Variants in TRAPPC9 observed in about 807,000 individuals in gnomAD.
The protein encoded by TRAPPC9 is IKK2 binding protein.
TRAPPC9 carries 83 observed loss-of-function variants against 124.0 expected under a neutral mutation model. The observed-to-expected ratio is 0.67, with a 90% CI of 0.56 to 0.80. TRAPPC9 has a LOEUF of 0.80. Ranked by LOEUF, TRAPPC9 falls within the 30% of genes least tolerant of loss-of-function variation. The pLI is 0.00. For synonymous variants in TRAPPC9, 638 were observed against 617.5 expected (o/e 1.03, Z -0.49); for missense variants, 1,302 against 1,508.3 (o/e 0.86, Z 2.27).
chr8:140,112,491 T>C (rs983843098), intron 17 of TRAPPC9, among the ~76,000 whole-genome samples: 4 of 152,078 alleles, frequency 2.6e-5, no homozygotes, highest in African/African-American at 7.2e-5. Flanking sequence ...AGAAGAGTAA[T>C]GGAGAATTCC....
intron 17 of TRAPPC9, chr8:140,099,770 T>G (rs2060539181): frequency 6.7e-6 from 1 of 149,516 alleles, no homozygotes; most frequent in African/African-American, 2.5e-5. Flanking sequence ...CAGCTAGGTC[T>G]CAGTGCGCGG....
chr8:140,121,693 T>C (rs2060988364), intron 17 of TRAPPC9, among the ~76,000 whole-genome samples: 1 of 152,228 alleles, frequency 6.6e-6, no homozygotes, highest in African/African-American at 2.4e-5. Context: ...TAAACTCAAC[T>C]ATAGGCCCTT....
chr8:139,788,808 C>A lies in TRAPPC9; in HGVS notation c.3056-56606G>T, dbSNP rs1822456991. Among the ~76,000 whole-genome samples the A allele has an allele frequency of 6.6e-6, 1 of 152,214 alleles. No individual in the cohort carries two copies. On this transcript the variant is annotated intron_variant, in intron 21 of 22. Coordinates refer to ENST00000438773, the MANE Select transcript of TRAPPC9 (RefSeq NM_001160372.4). The surrounding 1 kb of genome is among the most constrained non-coding windows in gnomAD (Gnocchi z 4.9). ...CAAATCACACAACACCCTGGGCCAG[C>A]TGCCTTCACAAGAGGTGTGGTGGGG...
chr8:140,450,689 G>A (rs2071422031), intron 2 of TRAPPC9, 101 bp downstream of exon 2: 1 of 966,784 alleles, frequency 1.0e-6, no homozygotes, highest in South Asian at 1.4e-5. Flanking sequence ...AAAAACCAAT[G>A]GACAACACCT....
At chr8:140,027,485 A>G (rs1260334518) in intron 17 of TRAPPC9, among the ~76,000 whole-genome samples, 2 of 152,246 alleles carry the variant, frequency 1.3e-5, no homozygotes, top group Admixed American at 1.3e-4. Context: ...GGGAATGAAC[A>G]AAAAGTACAC....
At chr8:140,360,865 G>A (rs947428926) in intron 8 of TRAPPC9, among the ~76,000 whole-genome samples, 17 of 152,132 alleles carry the variant, frequency 1.1e-4, no homozygotes, top group Admixed American at 3.3e-4. Flanking sequence ...AGCCTCCTGC[G>A]TAGCTGGGAC....
In TRAPPC9 at chr8:139,727,983, G is replaced by A. The variant is rs1817640036; in HGVS notation, c.*3078C>T. Among the ~76,000 whole-genome samples, 1 of 152,060 alleles carries A rather than the reference G, an allele frequency of 6.6e-6. No homozygotes were observed. The highest frequency in any genetic ancestry group is 2.1e-4 in the South Asian group (1 of 4,812). On this transcript the variant is annotated 3_prime_UTR_variant, in exon 23 of 23. Coordinates refer to ENST00000438773, the MANE Select transcript of TRAPPC9 (RefSeq NM_001160372.4). ...AAAAGAACAGCAATGGGAAGGCTAGGAGAAGGGACCCAGTATTTATTAAGA... is the reference window on the plus strand; with the variant it reads ...AAAAGAACAGCAATGGGAAGGCTAGAAGAAGGGACCCAGTATTTATTAAGA...
At chr8:139,906,521 C>T (rs1387955657) in intron 20 of TRAPPC9, among the ~76,000 whole-genome samples, 2 of 151,832 alleles carry the variant, frequency 1.3e-5, no homozygotes, top group South Asian at 2.1e-4. Context: ...CCCTCTGTTT[C>T]GACAGAAATT....
rs35575126 is a variant in TRAPPC9 at position 139,946,678 on chromosome 8, TA to T, written c.2811-36379del. 8.9e-3 allele frequency among the ~76,000 whole-genome samples: 1,205 copies of T among 136,108 alleles called. 2 individuals are homozygous for T. The highest frequency in any genetic ancestry group is 0.012 in the Non-Finnish European group (761 of 62,908). The allele number at this position is 136,108 out of a possible 152,430, so 89.3% of individuals were successfully genotyped here. A position where few individuals can be genotyped will look rare whatever the true frequency, so the allele number is the denominator to read the frequency against. ...TGAGAGTATCCGCAGAATTTTCTTC[TA>T]AAAAAAAAAAAAAGGCCCTGGCCAA... On this transcript the variant is annotated intron_variant, in intron 19 of 22. Transcript: ENST00000438773.
In TRAPPC9 at chr8:140,252,916, G is replaced by A. The variant is rs11166965; in HGVS notation, c.2292C>T (p.Gly764=). Residue 764 remains glycine, a synonymous_variant, in exon 16 of 23, where the codon GGC becomes GGT. Coordinates refer to ENST00000438773, the MANE Select transcript of TRAPPC9 (RefSeq NM_001160372.4). This position sits in a 1 kb window ranked among gnomAD's most constrained non-coding sequence, Gnocchi z 4.2. ...KVLTTKEKLY[G]DFLSWKLEET... ...CCTCTAGCTTCCAGCTCAAGAAGTC[G>A]CCATACAATTTTTCTGTAATAATAA... is the stretch of plus-strand genomic sequence containing the variant. 0.12 allele frequency: 197,432 copies of A among 1,613,104 alleles called. 13,622 individuals carry two copies. Among genetic ancestry groups the A allele is most frequent in the Admixed American group, 0.22 (13,133 of 59,980 alleles).
intron 21 of TRAPPC9, among the ~76,000 whole-genome samples, chr8:139,840,303 C>T (rs969352171): frequency 2.0e-5 from 3 of 152,256 alleles, no homozygotes; most frequent in East Asian, 1.9e-4. Context: ...AAACTTCTGC[C>T]GCTTTCATGT....
chr8:140,039,165 C>A (rs1331798417), intron 17 of TRAPPC9, among the ~76,000 whole-genome samples: 2 of 152,222 alleles, frequency 1.3e-5, no homozygotes, highest in Admixed American at 1.3e-4. Flanking sequence ...TCTGGAAGCA[C>A]CATCAAATCC....
intron 17 of TRAPPC9, among the ~76,000 whole-genome samples, chr8:140,201,510 GA>G: frequency 6.6e-6 from 1 of 152,210 alleles, no homozygotes; most frequent in Non-Finnish European, 1.5e-5. Context: ...AACTTTTCCA[GA>G]AAACAGCTCA....
At chr8:139,845,263 G>A (rs913731920) in intron 21 of TRAPPC9, among the ~76,000 whole-genome samples, 1 of 152,230 alleles carries the variant, frequency 6.6e-6, no homozygotes, top group Non-Finnish European at 1.5e-5. Flanking sequence ...GAGGGGGAAA[G>A]GAGCTGCATG....
chr8:139,932,541 T>G (rs368757972), intron 19 of TRAPPC9: 7 of 455,214 alleles, frequency 1.5e-5, no homozygotes, highest in Non-Finnish European at 3.1e-5. Context: ...GGCAGGTGGA[T>G]TGCCTGAGCT....
intron 18 of TRAPPC9, among the ~76,000 whole-genome samples, chr8:140,015,378 C>A (rs1015629623): frequency 6.6e-6 from 1 of 152,216 alleles, no homozygotes; most frequent in African/African-American, 2.4e-5. Context: ...GAGTACAAAT[C>A]TTCACCTGTG....
intron 17 of TRAPPC9, among the ~76,000 whole-genome samples, chr8:140,112,248 C>T (rs536628516): frequency 2.7e-5 from 4 of 148,556 alleles, no homozygotes; most frequent in South Asian, 2.1e-4. Flanking sequence ...GAATTCCAGA[C>T]GATGGTGGGA....
chr8:139,840,408 T>G (rs932521455), intron 21 of TRAPPC9, among the ~76,000 whole-genome samples: 1 of 152,238 alleles, frequency 6.6e-6, no homozygotes, highest in Admixed American at 6.5e-5. Context: ...TGTGAGTTGA[T>G]TCCATTGAGA....
chr8:140,239,858 A>G (rs2063818176), intron 16 of TRAPPC9, among the ~76,000 whole-genome samples: 1 of 152,272 alleles, frequency 6.6e-6, no homozygotes, highest in African/African-American at 2.4e-5. Context: ...TGGGTAATTC[A>G]GGATGAGTCA....
Sources: allele counts gnomAD v4.1 joint callset (sites outside exome capture counted in the v4.1 genomes callset), GRCh38; gene constraint gnomAD v4.1.1; non-coding constraint Gnocchi (gnomAD v3.1); transcripts MANE v1.5; gene names NCBI Gene and HGNC (gene_info 2026-07-23, HGNC 2026-07-21).